UBTD2: variants seen among roughly 807,000 people sequenced by gnomAD.
UBTD2 encodes ubiquitin domain containing 2.
In UBTD2, 9 loss-of-function variants were observed where a neutral mutation model predicts 19.8. That is an observed-to-expected ratio of 0.46 (90% CI 0.27 to 0.79). The LOEUF (loss-of-function observed/expected upper bound fraction) is 0.79, where lower values mean the gene tolerates loss of function less well. Among genes scored for constraint, UBTD2 ranks in the 30% least tolerant of loss-of-function variants. The pLI, the probability that UBTD2 is intolerant of heterozygous loss-of-function variation, is 0.14. For missense variants in UBTD2, 250 were observed against 300.4 expected (o/e 0.83, Z 1.24); for synonymous variants, 98 against 103.9 (o/e 0.94, Z 0.35).
chr5:172,212,142 C>G lies in UBTD2; in HGVS notation c.393G>C (p.Glu131Asp). Residue 131 changes from glutamate (E) to aspartate (D), a missense_variant, in exon 3 of 3, where the codon GAG becomes GAC. Transcript: ENST00000393792. Reference protein sequence around the residue: ...YCLAPPINMIEEKSDIETLDI... With the variant: ...YCLAPPINMIDEKSDIETLDI... ...CCAGAGTCTCTATGTCGCTCTTTTC[C>G]TCTATCATGTTGATTGGCGGTGCCA... 1 of 1,614,210 alleles carries G rather than the reference C, an allele frequency of 6.2e-7. No individual in the cohort carries two copies. Among genetic ancestry groups the G allele is most frequent in the Non-Finnish European group, 8.5e-7 (1 of 1,180,040 alleles).
At chr5:172,217,987 T>C (rs1444647842) in intron 2 of UBTD2, among the ~76,000 whole-genome samples, 1 of 152,198 alleles carries the variant, frequency 6.6e-6, no homozygotes, top group Admixed American at 6.5e-5. Context: ...CATCAATCGA[T>C]TTAATGTAAT....
At chr5:172,216,890 C>T (rs1202080272) in intron 2 of UBTD2, among the ~76,000 whole-genome samples, 4 of 151,820 alleles carry the variant, frequency 2.6e-5, no homozygotes, top group Non-Finnish European at 4.4e-5. Context: ...CACTTGAGCC[C>T]GGGAGGTCAA....
intron 1 of UBTD2, chr5:172,242,413 T>C: frequency 2.0e-6 from 2 of 985,446 alleles, no homozygotes; most frequent in Non-Finnish European, 1.2e-6. Flanking sequence ...TCAAGGCTTA[T>C]GTGTTGTCAT....
At chr5:172,268,116 A>G (rs1469875469) in intron 1 of UBTD2, among the ~76,000 whole-genome samples, 1 of 152,220 alleles carries the variant, frequency 6.6e-6, no homozygotes, top group Non-Finnish European at 1.5e-5. Context: ...CCCAGGTCCA[A>G]TGCAGCTTAC....
intron 1 of UBTD2, among the ~76,000 whole-genome samples, chr5:172,269,654 C>T (rs139853899): frequency 6.7e-6 from 1 of 149,080 alleles, no homozygotes; most frequent in Non-Finnish European, 1.5e-5. Flanking sequence ...TCTGAAGAAT[C>T]TTAGACCAAA....
chr5:172,248,063 T>C (rs556856563), intron 1 of UBTD2, among the ~76,000 whole-genome samples: 54 of 152,046 alleles, frequency 3.6e-4, no homozygotes, highest in South Asian at 1.0e-3. Flanking sequence ...ACTCATACAA[T>C]GAATGGACCA....
At chr5:172,256,121 T>C (rs1755143358) in intron 1 of UBTD2, among the ~76,000 whole-genome samples, 1 of 151,928 alleles carries the variant, frequency 6.6e-6, no homozygotes, top group Admixed American at 6.6e-5. Context: ...AAAAGAAAGA[T>C]GGATAGCAAG....
intron 1 of UBTD2, among the ~76,000 whole-genome samples, chr5:172,250,933 CAAAAAAAAAAAA>C (rs56280728): frequency 0.025 from 1,110 of 44,014 alleles, 27 homozygotes; most frequent in African/African-American, 0.092. Context: ...GACCCTGTCT[CAAAAAAAAAAAA>C]AAAAAAAAAA....
intron 1 of UBTD2, among the ~76,000 whole-genome samples, chr5:172,237,241 G>A (rs938120524): frequency 2.0e-5 from 3 of 152,014 alleles, no homozygotes; most frequent in Non-Finnish European, 4.4e-5. Context: ...CTACAGGCCC[G>A]CGCCACCATG....
chr5:172,262,467 A>AC (rs1195967149), intron 1 of UBTD2, among the ~76,000 whole-genome samples: 1 of 150,728 alleles, frequency 6.6e-6, no homozygotes, highest in Admixed American at 6.6e-5. Context: ...AAAAAAAAAA[A>AC]ACAAGAAAAT....
intron 1 of UBTD2, among the ~76,000 whole-genome samples, chr5:172,243,843 T>C (rs1179195352): frequency 6.6e-6 from 1 of 151,958 alleles, no homozygotes; most frequent in Non-Finnish European, 1.5e-5. Context: ...TTTTTTGGCG[T>C]TGTTTAAGCC....
chr5:172,262,740 G>A (rs925545422), intron 1 of UBTD2, among the ~76,000 whole-genome samples: 3 of 151,780 alleles, frequency 2.0e-5, no homozygotes, highest in African/African-American at 7.3e-5. Context: ...GCTTGAACCC[G>A]GGAGGTGGAG....
chr5:172,244,182 G>C (rs544197876), intron 1 of UBTD2, among the ~76,000 whole-genome samples: 1 of 151,964 alleles, frequency 6.6e-6, no homozygotes, highest in Non-Finnish European at 1.5e-5. Flanking sequence ...TCATCTATGG[G>C]GTAGTGCTTA....
intron 1 of UBTD2, among the ~76,000 whole-genome samples, chr5:172,271,049 T>C (rs1475675786): frequency 2.0e-5 from 3 of 152,172 alleles, no homozygotes; most frequent in East Asian, 1.9e-4. Flanking sequence ...CTAAATGCTA[T>C]GTTTTTTCGT....
intron 1 of UBTD2, among the ~76,000 whole-genome samples, chr5:172,262,458 A>AC (rs2113100358): frequency 6.6e-6 from 1 of 151,378 alleles, no homozygotes; most frequent in East Asian, 1.9e-4. Flanking sequence ...AAAAAAAAAA[A>AC]AAAAAAAAAA....
chr5:172,222,781 A>T (rs1256169872), intron 2 of UBTD2, among the ~76,000 whole-genome samples: 1 of 152,264 alleles, frequency 6.6e-6, no homozygotes, highest in Non-Finnish European at 1.5e-5. Flanking sequence ...TAAAATTAAT[A>T]AATAGGCAGT....
At chr5:172,230,623 TAA>T (rs1771869708) in intron 2 of UBTD2, among the ~76,000 whole-genome samples, 1 of 152,128 alleles carries the variant, frequency 6.6e-6, no homozygotes, top group Non-Finnish European at 1.5e-5. Flanking sequence ...TAGCTGCAAG[TAA>T]TACGGTAGGG....
intron 2 of UBTD2, among the ~76,000 whole-genome samples, chr5:172,222,402 G>C (rs1771669690): frequency 6.6e-6 from 1 of 152,202 alleles, no homozygotes; most frequent in African/African-American, 2.4e-5. Context: ...TGATCATCTT[G>C]AAGTGAGTAG....
In UBTD2 at chr5:172,283,561, T is replaced by C; in HGVS notation, c.70+35A>G. ...GGTGGCCGGGCCTGGCCGGGAACAA[T>C]GGGGGGCCGAGGCTGCCCCCTGGCG... On this transcript the variant is annotated intron_variant, in intron 1 of 2. Coordinates refer to ENST00000393792, the MANE Select transcript of UBTD2 (RefSeq NM_152277.3). The surrounding 1 kb of genome is among the most constrained non-coding windows in gnomAD (Gnocchi z 4.3). 1 of 1,280,156 alleles carries C rather than the reference T, an allele frequency of 7.8e-7. No homozygotes were observed. Among genetic ancestry groups the C allele is most frequent in the East Asian group, 3.1e-5 (1 of 31,870 alleles). The allele number at this position is 1,280,156 out of a possible 1,614,324, so 79.3% of individuals were successfully genotyped here. A position where few individuals can be genotyped will look rare whatever the true frequency, so the allele number is the denominator to read the frequency against.
Sources: gnomAD v4.1 joint callset for allele counts (sites outside exome capture counted in the v4.1 genomes callset) on GRCh38, gnomAD v4.1.1 for gene constraint, Gnocchi (gnomAD v3.1) non-coding constraint, MANE v1.5 for transcripts, NCBI Gene and HGNC (gene_info 2026-07-23, HGNC 2026-07-21) for gene names.